The following C3 variants were observed in gnomAD, a reference collection of about 807,000 sequenced individuals.
The protein encoded by C3 is complement C3, also known as C3 and PZP-like alpha-2-macroglobulin domain-containing protein 1.
C3 carries 97 observed loss-of-function variants against 207.9 expected under a neutral mutation model. That is an observed-to-expected ratio of 0.47 (90% CI 0.40 to 0.55). The LOEUF (loss-of-function observed/expected upper bound fraction) is 0.55. Ranked by LOEUF, C3 falls within the 20% of genes least tolerant of loss-of-function variation. The pLI is 0.00. For synonymous variants in C3, 848 were observed against 857.6 expected (o/e 0.99, Z 0.20); for missense variants, 1,684 against 2,171.7 (o/e 0.78, Z 4.46).
chr19:6,689,322 TACCTACCTCCCTCCCTCCCTCCCTCC>T (rs1918096165), intron 27 of C3, among the ~76,000 whole-genome samples: 5 of 65,518 alleles, frequency 7.6e-5, no homozygotes, highest in African/African-American at 3.8e-4. Flanking sequence ...TCTCTCTCTC[TACCTACCTCCCTCCCTCCCTCCCTCC>T]CTCCCTCCCT....
intron 2 of C3, 26 bp from the exon 3 acceptor site, chr19:6,718,438 G>A (rs1233855287): frequency 1.9e-6 from 3 of 1,613,982 alleles, no homozygotes; most frequent in Non-Finnish European, 1.7e-6. Context: ...GCATTGTCAG[G>A]GGTCTGTTCC....
rs777432001 is a variant in C3 at position 6,682,245 on chromosome 19, A to G, written c.4173-16T>C. On this transcript the variant is annotated splice_polypyrimidine_tract_variant and intron_variant, in intron 33 of 40. Transcript: ENST00000245907. ...TCCCCGGTACCTGGATAGTGCAGAA[A>G]GAAGGGCATTGGGTCCCAAGGAGGG... The G allele has an allele frequency of 6.2e-7, 1 of 1,603,514 alleles. No individual in the cohort carries two copies. Among genetic ancestry groups the G allele is most frequent in the Non-Finnish European group, 8.5e-7 (1 of 1,170,302 alleles).
intron 37 of C3, 97 bp downstream of exon 37, chr19:6,679,310 C>G (rs45511693): frequency 6.9e-7 from 1 of 1,446,684 alleles, no homozygotes; most frequent in African/African-American, 1.4e-5. Context: ...CTTGGTATCC[C>G]CTGGGTATGG....
chr19:6,710,638 C>G lies in C3; in HGVS notation c.1686+1G>C, dbSNP rs113811387. On this transcript the variant is annotated splice_donor_variant, in intron 13 of 40. Coordinates refer to ENST00000245907, the MANE Select transcript of C3 (RefSeq NM_000064.4). LOFTEE classifies it high-confidence loss of function. ...GGCGAGCGAGCCCAGGGCACACTTA[C>G]CGAGCCCACGCAGGAGTCCTTGACG... 1 of 1,612,018 alleles carries G rather than the reference C, an allele frequency of 6.2e-7. No individual in the cohort carries two copies. The highest frequency in any genetic ancestry group is 8.5e-7 in the Non-Finnish European group (1 of 1,179,114).
Position 6,677,926 on chromosome 19 carries a change from C to G in C3, c.4948G>C (p.Gly1650Arg). ...ACAACCATGCTCTCGGTGAAGGCGC[C>G]GAGGTCCTGGCATTGTTTCTGGTTC... ...EENQKQCQDL[G>R]AFTESMVVFG... The change falls in exon 41 of 41, where the codon GGC becomes CGC. Residue 1650 changes from glycine (G) to arginine (R), a missense_variant. Physicochemically the swap from Gly to Arg is moderately radical, Grantham distance 125. Transcript: ENST00000245907. 1 of 1,605,520 alleles carries G rather than the reference C, an allele frequency of 6.2e-7. No individual in the cohort carries two copies. The highest frequency in any genetic ancestry group is 8.5e-7 in the Non-Finnish European group (1 of 1,176,516).
rs557817074 is a variant in C3, at chr19:6,690,045, G to A, written c.3489+584C>T. Among the ~76,000 whole-genome samples the A allele has an allele frequency of 3.3e-5, 5 of 152,206 alleles. No individual in the cohort carries two copies. The South Asian group carries it at 1.0e-3, about 32-fold the overall frequency. On this transcript the variant is annotated intron_variant, in intron 27 of 40. Transcript: ENST00000245907. ...GACAAAGGCATTCCAGACTCTCAGCGGCCCATCTTTCCAAGCTTCCCTGCT... is the reference window on the plus strand; with the variant it reads ...GACAAAGGCATTCCAGACTCTCAGCAGCCCATCTTTCCAAGCTTCCCTGCT...
At chr19:6,705,332 TTC>T (rs200729858) in intron 17 of C3, among the ~76,000 whole-genome samples, 2 of 149,356 alleles carry the variant, frequency 1.3e-5, no homozygotes, top group South Asian at 2.1e-4. Flanking sequence ...TTCTTTTCTT[TTC>T]TCTCTCTTTT....
intron 16 of C3, 76 bp downstream of exon 16, chr19:6,707,390 T>C: frequency 6.2e-7 from 1 of 1,600,636 alleles, no homozygotes; most frequent in Non-Finnish European, 8.6e-7. Context: ...CTCCTCCCTC[T>C]CTGGCTCCTG....
intron 4 of C3, chr19:6,717,456 G>A (rs1428099170): frequency 5.5e-6 from 1 of 182,684 alleles, no homozygotes; most frequent in Admixed American, 5.8e-5. Context: ...GTATTGTGTG[G>A]TTGTGTGTTG....
intron 27 of C3, among the ~76,000 whole-genome samples, chr19:6,688,477 A>C (rs1918069562): frequency 6.6e-6 from 1 of 151,564 alleles, no homozygotes; most frequent in South Asian, 2.1e-4. Flanking sequence ...AGCTTGAAAA[A>C]TTCCTGGAAA....
At chr19:6,712,094 G>A (rs1467556215) in intron 11 of C3, among the ~76,000 whole-genome samples, 163 bp downstream of exon 11, 1 of 152,150 alleles carries the variant, frequency 6.6e-6, no homozygotes, top group Non-Finnish European at 1.5e-5. Context: ...CTATGCAGAT[G>A]AGAGTATCTC....
intron 4 of C3, 57 bp downstream of exon 4, chr19:6,718,037 C>T: frequency 1.3e-6 from 2 of 1,528,278 alleles, no homozygotes; most frequent in South Asian, 2.2e-5. Flanking sequence ...CTCTCGATCT[C>T]TTTGCCTCTC....
At chr19:6,686,577 G>T in intron 28 of C3, 169 bp downstream of exon 28, 1 of 825,110 alleles carries the variant, frequency 1.2e-6, no homozygotes, top group Non-Finnish European at 2.1e-6. Flanking sequence ...GTGCATCCCA[G>T]CTCAGCTCAG....
chr19:6,691,681 C>T (rs1918170963), intron 26 of C3, among the ~76,000 whole-genome samples: 1 of 152,112 alleles, frequency 6.6e-6, no homozygotes, highest in African/African-American at 2.4e-5. Context: ...AATGCGGGCA[C>T]TTTTAAAAAC....
chr19:6,697,517 G>A lies in C3; in HGVS notation c.2623C>T (p.Leu875=). The change falls in exon 21 of 41, where the codon CTG becomes TTG. Residue 875 remains leucine (L), a synonymous_variant. Transcript: ENST00000245907. ...TGGTGACGCCTCTTGGTGGTGGCCAGGCTGCAGAAGGCTGGATTGTGGAGT... is the reference window on the plus strand; with the variant it reads ...TGGTGACGCCTCTTGGTGGTGGCCAAGCTGCAGAAGGCTGGATTGTGGAGT... ...ELLHNPAFCS[L]ATTKRRHQQT... 1.9e-6 allele frequency: 3 copies of A among 1,613,934 alleles called. No homozygotes were observed. The highest frequency in any genetic ancestry group is 8.5e-7 in the Non-Finnish European group (1 of 1,179,986).
In C3 at chr19:6,684,849, G is replaced by C. The variant is rs1233140401; in HGVS notation, c.3970-15C>G. 30 of 1,614,062 alleles carry C rather than the reference G, an allele frequency of 1.9e-5. No homozygotes were observed. Among genetic ancestry groups the C allele is most frequent in the Non-Finnish European group, 2.4e-5 (28 of 1,179,890 alleles). On this transcript the variant is annotated splice_polypyrimidine_tract_variant and intron_variant, in intron 30 of 40. Transcript: ENST00000245907. ...TTTTCCTTGGTCTGCAGAGTGAAAA[G>C]AGAGAAGAGAGCATGTTGGGAATTA...
At chr19:6,712,756 C>T in intron 9 of C3, 133 bp from the exon 10 acceptor site, 2 of 781,562 alleles carry the variant, frequency 2.6e-6, no homozygotes, top group Admixed American at 3.9e-5. Context: ...TGGGCCTGTG[C>T]CCCCCATCAG....
At position 6,714,240 on chromosome 19, in the gene C3, T is replaced by C; in HGVS notation, c.608A>G (p.Gln203Arg). The C allele has an allele frequency of 1.2e-6, 2 of 1,613,902 alleles. No individual in the cohort carries two copies. The highest frequency in any genetic ancestry group is 8.5e-7 in the Non-Finnish European group (1 of 1,179,978). ...WDIPELVNMG[Q>R]WKIRAYYENS... ...TTCATAGTAGGCTCGGATCTTCCACTGGCCCATGCTGTGAGGAGGGCGGAT... is the reference window on the plus strand; with the variant it reads ...TTCATAGTAGGCTCGGATCTTCCACCGGCCCATGCTGTGAGGAGGGCGGAT... Residue 203 changes from glutamine (Q) to arginine (R), a missense_variant, in exon 6 of 41, where the codon CAG (glutamine) becomes CGG (arginine). This residue lies in a region of C3 where 1,280 missense variants were observed against 1,739.1 expected (regional missense o/e 0.74). Coordinates refer to ENST00000245907, the MANE Select transcript of C3 (RefSeq NM_000064.4).
intron 26 of C3, among the ~76,000 whole-genome samples, chr19:6,691,968 CAA>C (rs1252873445): frequency 6.7e-6 from 1 of 149,108 alleles, no homozygotes; most frequent in Non-Finnish European, 1.5e-5. Flanking sequence ...GCCTGGGTGA[CAA>C]GAGCAAAACT....
Sources: allele counts gnomAD v4.1 joint callset (sites outside exome capture counted in the v4.1 genomes callset), GRCh38; gene constraint gnomAD v4.1.1; regional missense constraint gnomAD v4.1.1; transcripts MANE v1.5; gene names NCBI Gene and HGNC (gene_info 2026-07-23, HGNC 2026-07-21).